SLC30A8: variants seen among roughly 807,000 people sequenced by gnomAD.
SLC30A8 encodes proton-coupled zinc antiporter SLC30A8.
Under a neutral mutation model 36.9 loss-of-function variants are expected in SLC30A8, and 27 were observed. That is an observed-to-expected ratio of 0.73 (90% CI 0.54 to 1.01). The LOEUF is 1.01. Among genes scored for constraint, SLC30A8 ranks in the 50% least tolerant of loss-of-function variants. The pLI is 0.00. For missense variants in SLC30A8, 439 were observed against 452.0 expected (o/e 0.97, Z 0.26); for synonymous variants, 164 against 172.4 (o/e 0.95, Z 0.38).
At chr8:117,082,918 A>G (rs1033875273) in intron 2 of SLC30A8, among the ~76,000 whole-genome samples, 1 of 152,192 alleles carries the variant, frequency 6.6e-6, no homozygotes, top group African/African-American at 2.4e-5. Flanking sequence ...AGTTTTCAGG[A>G]AAAGCAGGCA....
intron 1 of SLC30A8, among the ~76,000 whole-genome samples, chr8:116,952,628 G>C (rs1814034654): frequency 6.6e-6 from 1 of 151,872 alleles, no homozygotes; most frequent in South Asian, 2.1e-4. Flanking sequence ...TGTTTTCTTA[G>C]AGAAAAAAAG....
chr8:117,172,035 C>T (rs970966546), intron 7 of SLC30A8, among the ~76,000 whole-genome samples: 1 of 152,090 alleles, frequency 6.6e-6, no homozygotes, highest in Admixed American at 6.6e-5. Context: ...ATGGAGGAGA[C>T]TTTACAGCCT....
intron 1 of SLC30A8, among the ~76,000 whole-genome samples, chr8:117,034,480 A>C (rs1408272274): frequency 1.3e-5 from 2 of 152,204 alleles, no homozygotes; most frequent in Non-Finnish European, 2.9e-5. Context: ...TTGAATCTTC[A>C]TAACAACCCT....
At chr8:117,052,155 C>T (rs554493238) in intron 2 of SLC30A8, among the ~76,000 whole-genome samples, 173 of 152,216 alleles carry the variant, frequency 1.1e-3, no homozygotes, top group Non-Finnish European at 3.1e-4. Flanking sequence ...GGATTAAAGG[C>T]GTGCACCACC....
intron 2 of SLC30A8, among the ~76,000 whole-genome samples, chr8:117,054,691 A>G (rs187813820): frequency 3.4e-4 from 51 of 148,502 alleles, no homozygotes; most frequent in African/African-American, 1.2e-3. Context: ...GGTATGTAGA[A>G]TATCATTTTG....
At chr8:117,076,504 A>AC (rs1346914406) in intron 2 of SLC30A8, among the ~76,000 whole-genome samples, 2 of 151,820 alleles carry the variant, frequency 1.3e-5, no homozygotes, top group Admixed American at 1.3e-4. Context: ...CAGTCATCCT[A>AC]CCCCCTTGTC....
chr8:116,979,039 C>T (rs966515551), intron 1 of SLC30A8, among the ~76,000 whole-genome samples: 3 of 151,098 alleles, frequency 2.0e-5, no homozygotes, highest in African/African-American at 7.3e-5. Flanking sequence ...GTGTTTGAGA[C>T]CAGCCTGGGC....
intron 1 of SLC30A8, among the ~76,000 whole-genome samples, chr8:117,139,878 A>G (rs1027695772): frequency 6.6e-6 from 1 of 150,628 alleles, no homozygotes; most frequent in Non-Finnish European, 1.5e-5. Flanking sequence ...AAAAAAAAAA[A>G]GTAGAAACAG....
chr8:117,110,568 C>T (rs1275077853), intron 2 of SLC30A8, among the ~76,000 whole-genome samples: 2 of 152,148 alleles, frequency 1.3e-5, no homozygotes, highest in Non-Finnish European at 2.9e-5. Flanking sequence ...CCAGGGCATG[C>T]AGGGGCACAT....
intron 3 of SLC30A8, among the ~76,000 whole-genome samples, chr8:117,154,695 C>G (rs1029454396): frequency 6.6e-6 from 1 of 152,196 alleles, no homozygotes; most frequent in Non-Finnish European, 1.5e-5. Flanking sequence ...AAACATGGAC[C>G]TGTAGCTAAG....
At chr8:117,163,654 G>A (rs975295496) in intron 6 of SLC30A8, 124 bp downstream of exon 6, 40 of 694,858 alleles carry the variant, frequency 5.8e-5, no homozygotes, top group Non-Finnish European at 8.6e-5. Flanking sequence ...AAAGTGAAAA[G>A]GAATTTTTGT....
intron 2 of SLC30A8, among the ~76,000 whole-genome samples, chr8:117,126,364 G>A (rs1434846841): frequency 6.6e-6 from 1 of 151,972 alleles, no homozygotes; most frequent in Non-Finnish European, 1.5e-5. Context: ...ATATCTTAGA[G>A]AAATTAGGAT....
chr8:117,120,841 C>CA (rs1820666460), intron 2 of SLC30A8, among the ~76,000 whole-genome samples: 2 of 151,534 alleles, frequency 1.3e-5, no homozygotes, highest in Admixed American at 1.3e-4. Flanking sequence ...GACATTTCTC[C>CA]AAAAAAATAT....
chr8:117,145,667 AT>A (rs370328045), intron 1 of SLC30A8, among the ~76,000 whole-genome samples: 2 of 152,136 alleles, frequency 1.3e-5, no homozygotes, highest in Non-Finnish European at 2.9e-5. Context: ...AGATCCATGG[AT>A]TTTGACATCT....
At chr8:117,107,670 C>T (rs927953819) in intron 2 of SLC30A8, among the ~76,000 whole-genome samples, 5 of 152,076 alleles carry the variant, frequency 3.3e-5, no homozygotes, top group African/African-American at 1.2e-4. Context: ...GTGAGTCATC[C>T]ATCCATTGCT....
At position 117,085,352 on chromosome 8, in the gene SLC30A8, A is replaced by G. The variant is rs1818833643; in HGVS notation, c.-226+46094A>G. 1.3e-5 allele frequency among the ~76,000 whole-genome samples: 2 copies of G among 152,116 alleles called. 1 individual carries two copies. The highest frequency in any genetic ancestry group is 4.1e-4 in the South Asian group (2 of 4,830). On this transcript the variant is annotated intron_variant, in intron 2 of 10. Coordinates refer to the SLC30A8 transcript ENST00000427715. The stretch of plus-strand genomic sequence containing the variant: ...CCTGACCTTCTACTCAGTTCTTTTC[A>G]CCATTATACCCATTGGTCTCTCTAT...
upstream of SLC30A8, among the ~76,000 whole-genome samples, chr8:117,131,694 G>A (rs1389647813): frequency 6.6e-6 from 1 of 151,896 alleles, no homozygotes; most frequent in African/African-American, 2.4e-5. Context: ...TAAAGCTGGA[G>A]CCAATTTCTC....
At chr8:117,074,468 G>C (rs1314177628) in intron 2 of SLC30A8, among the ~76,000 whole-genome samples, 1 of 152,146 alleles carries the variant, frequency 6.6e-6, no homozygotes, top group Non-Finnish European at 1.5e-5. Context: ...TATAAGGCAA[G>C]TGTGCTTTGA....
chr8:116,994,655 TA>T (rs1815754993), intron 1 of SLC30A8, among the ~76,000 whole-genome samples: 2 of 152,132 alleles, frequency 1.3e-5, no homozygotes, highest in Admixed American at 1.3e-4. Context: ...CCAGTCCTGG[TA>T]ATATACTATA....
Sources: gnomAD v4.1 joint callset for allele counts (sites outside exome capture counted in the v4.1 genomes callset) on GRCh38, gnomAD v4.1.1 for gene constraint, MANE v1.5 for transcripts, NCBI Gene and HGNC (gene_info 2026-07-23, HGNC 2026-07-21) for gene names.